PARD3B: variants seen among roughly 807,000 people sequenced by gnomAD.
PARD3B encodes the protein partitioning defective 3 homolog B.
PARD3B carries 103 observed loss-of-function variants against 130.2 expected under a neutral mutation model. The ratio of observed to expected loss-of-function variants is 0.79; its 90% CI spans 0.67 to 0.93. The LOEUF (loss-of-function observed/expected upper bound fraction) is 0.93. Ranked by LOEUF, PARD3B falls within the 40% of genes least tolerant of loss-of-function variation. The pLI, the probability that PARD3B is intolerant of heterozygous loss-of-function variation, is 0.00. For missense variants in PARD3B, 1,609 were observed against 1,499.2 expected, an observed-to-expected ratio of 1.07 and a Z score of -1.21; for synonymous variants, 583 against 553.2, an observed-to-expected ratio of 1.05 and a Z score of -0.76.
intron 1 of PARD3B, among the ~76,000 whole-genome samples, chr2:204,562,775 A>G (rs2031399982): frequency 6.6e-6 from 1 of 152,082 alleles, no homozygotes; most frequent in African/African-American, 2.4e-5. Flanking sequence ...TTGATCAGAA[A>G]CATTTTCCCA....
chr2:205,378,882 G>A (rs1483850445), intron 18 of PARD3B, among the ~76,000 whole-genome samples: 1 of 151,714 alleles, frequency 6.6e-6, no homozygotes, highest in East Asian at 1.9e-4. Context: ...TGCCCGCCTC[G>A]GCCTCGCAAA....
intron 2 of PARD3B, among the ~76,000 whole-genome samples, chr2:204,904,896 A>G (rs569722312): frequency 1.3e-5 from 2 of 152,352 alleles, no homozygotes; most frequent in South Asian, 4.1e-4. Context: ...TAAGATTTTT[A>G]AAGTTTACAA....
chr2:205,482,264 TG>T (rs1211663620), intron 20 of PARD3B, among the ~76,000 whole-genome samples: 1 of 152,088 alleles, frequency 6.6e-6, no homozygotes, highest in Non-Finnish European at 1.5e-5. Context: ...ACAATTAGAT[TG>T]GAGCAGTAGG....
chr2:204,757,847 A>G (rs773530511), intron 2 of PARD3B, among the ~76,000 whole-genome samples: 1 of 152,174 alleles, frequency 6.6e-6, no homozygotes, highest in Non-Finnish European at 1.5e-5. Context: ...TACATAAAAG[A>G]CAATATGAGG....
intron 2 of PARD3B, among the ~76,000 whole-genome samples, chr2:204,754,611 A>T (rs1412847639): frequency 6.6e-6 from 1 of 152,204 alleles, no homozygotes; most frequent in Admixed American, 6.6e-5. Context: ...CATTATTTTC[A>T]CAGAAAATAT....
rs1030038680 is a variant in PARD3B at position 204,855,266 on chromosome 2, C to T, written c.223-109886C>T. Among the ~76,000 whole-genome samples, 24 of 152,036 alleles carry T rather than the reference C, an allele frequency of 1.6e-4. No homozygotes were observed. In the South Asian group the frequency reaches 3.5e-3, roughly 22 times the overall value. ...GTAACCTGAAAATACGCATATCTGC[C>T]GGGCGTGGTGGCTCATGCCTGTTAT... is the stretch of plus-strand genomic sequence containing the variant. On this transcript the variant is annotated intron_variant, in intron 2 of 22. Transcript: ENST00000406610.
At chr2:204,917,868 A>C (rs2047505698) in intron 2 of PARD3B, among the ~76,000 whole-genome samples, 3 of 152,164 alleles carry the variant, frequency 2.0e-5, no homozygotes, top group African/African-American at 7.2e-5. Context: ...CTTTAATTGT[A>C]AACTGACAAT....
intron 20 of PARD3B, among the ~76,000 whole-genome samples, chr2:205,487,745 A>G (rs2049500517): frequency 6.6e-6 from 1 of 152,216 alleles, no homozygotes; most frequent in Non-Finnish European, 1.5e-5. Flanking sequence ...TTTTTCCCAG[A>G]ATTGACCCTG....
chr2:205,534,219 T>A (rs1484683499), intron 21 of PARD3B, among the ~76,000 whole-genome samples: 5 of 152,170 alleles, frequency 3.3e-5, no homozygotes, highest in Non-Finnish European at 7.3e-5. Context: ...GAGTTTATGT[T>A]TGTGAAAAGA....
chr2:204,902,358 C>T (rs562444639), intron 2 of PARD3B, among the ~76,000 whole-genome samples: 1 of 151,798 alleles, frequency 6.6e-6, no homozygotes, highest in Non-Finnish European at 1.5e-5. Flanking sequence ...AATAGCTAGA[C>T]GTTTTTAAGT....
chr2:204,977,886 T>G (rs1193641801), intron 3 of PARD3B, among the ~76,000 whole-genome samples: 3 of 151,226 alleles, frequency 2.0e-5, no homozygotes, highest in African/African-American at 7.3e-5. Context: ...AGGAGAAAAT[T>G]CTTACATATC....
At chr2:204,935,378 A>AC (rs958117163) in intron 2 of PARD3B, among the ~76,000 whole-genome samples, 38 of 149,200 alleles carry the variant, frequency 2.5e-4, no homozygotes, top group African/African-American at 7.3e-4. Flanking sequence ...AAATACAAAA[A>AC]AAAAAAAAAA....
chr2:205,137,482 C>A (rs996120169), intron 10 of PARD3B, among the ~76,000 whole-genome samples: 1 of 152,214 alleles, frequency 6.6e-6, no homozygotes, highest in South Asian at 2.1e-4. Flanking sequence ...AAAAACCCAT[C>A]AGATGTGAAT....
intron 1 of PARD3B, among the ~76,000 whole-genome samples, chr2:204,614,886 G>A (rs1023632113): frequency 6.6e-6 from 1 of 152,088 alleles, no homozygotes; most frequent in East Asian, 1.9e-4. Flanking sequence ...GCAGAACCAT[G>A]AGCCAATTAA....
At chr2:205,594,832 A>G (rs2054512715) in intron 22 of PARD3B, among the ~76,000 whole-genome samples, 1 of 152,220 alleles carries the variant, frequency 6.6e-6, no homozygotes, top group Non-Finnish European at 1.5e-5. Context: ...TTTAGGGTCC[A>G]TACCACTCAG....
At chr2:205,608,463 C>T (rs1359363676) in intron 22 of PARD3B, among the ~76,000 whole-genome samples, 1 of 152,148 alleles carries the variant, frequency 6.6e-6, no homozygotes, top group African/African-American at 2.4e-5. Flanking sequence ...ATAAACAGAC[C>T]ATGGGGTAAT....
intron 2 of PARD3B, among the ~76,000 whole-genome samples, chr2:204,723,038 T>C (rs372993378): frequency 9.6e-4 from 146 of 152,320 alleles, no homozygotes; most frequent in African/African-American, 3.4e-3. Flanking sequence ...GTTGATATTC[T>C]ATGTATAGCC....
chr2:205,581,549 A>G, intron 22 of PARD3B, among the ~76,000 whole-genome samples: 1 of 149,112 alleles, frequency 6.7e-6, no homozygotes, highest in East Asian at 1.9e-4. Context: ...TGACAGCACA[A>G]CAGGGTAACT....
chr2:205,218,649 G>A (rs979157834), intron 15 of PARD3B, among the ~76,000 whole-genome samples: 2 of 152,098 alleles, frequency 1.3e-5, no homozygotes, highest in East Asian at 1.9e-4. Context: ...GTAGGAGGGG[G>A]ATGGGGAGGA....
Sources: allele counts gnomAD v4.1 joint callset (sites outside exome capture counted in the v4.1 genomes callset), GRCh38; gene constraint gnomAD v4.1.1; transcripts MANE v1.5; gene names NCBI Gene and HGNC (gene_info 2026-07-23, HGNC 2026-07-21).